TPD52: variants seen among roughly 807,000 people sequenced by gnomAD.
TPD52 encodes prostate and colon associated protein.
In TPD52, 17 loss-of-function variants were observed where a neutral mutation model predicts 31.3. The observed-to-expected ratio is 0.54, with a 90% confidence interval of 0.37 to 0.82. TPD52 has a LOEUF of 0.82. Ranked by LOEUF, TPD52 falls within the 40% of genes least tolerant of loss-of-function variation. The pLI is 0.00. For missense variants in TPD52, 212 were observed against 240.1 expected (o/e 0.88, Z 0.77); for synonymous variants, 83 against 89.6 (o/e 0.93, Z 0.42).
intron 2 of TPD52, among the ~76,000 whole-genome samples, chr8:80,056,306 G>A (rs987051140): frequency 2.0e-5 from 3 of 152,132 alleles, no homozygotes; most frequent in African/African-American, 4.8e-5. Context: ...ACATGTGGAC[G>A]CCAAGAAAAA....
At chr8:80,072,798 C>CACACATATATATATATATATATAT (rs977939775) in intron 1 of TPD52, among the ~76,000 whole-genome samples, 2 of 141,050 alleles carry the variant, frequency 1.4e-5, no homozygotes, top group African/African-American at 6.0e-5. Flanking sequence ...CACACACACA[C>CACACATATATATATATATATATAT]ATATATATAT....
At chr8:80,136,384 C>A (rs1263710766) in intron 1 of TPD52, among the ~76,000 whole-genome samples, 21 of 150,744 alleles carry the variant, frequency 1.4e-4, no homozygotes, top group Admixed American at 5.9e-4. Flanking sequence ...ATTAGCCGGG[C>A]GTGGTGGTGG....
intron 1 of TPD52, among the ~76,000 whole-genome samples, chr8:80,170,767 G>A (rs947645140): frequency 3.3e-5 from 5 of 152,126 alleles, no homozygotes; most frequent in Non-Finnish European, 7.4e-5. Context: ...CACTTGAGCT[G>A]TTTTCAGAAG....
intron 5 of TPD52, among the ~76,000 whole-genome samples, chr8:80,048,205 GCT>G (rs1457954792): frequency 6.6e-6 from 1 of 151,834 alleles, no homozygotes; most frequent in African/African-American, 2.4e-5. Flanking sequence ...ATCAAGAGCA[GCT>G]CTCTCTCTCT....
At chr8:80,169,176 G>A (rs1479319562) in intron 1 of TPD52, among the ~76,000 whole-genome samples, 1 of 152,102 alleles carries the variant, frequency 6.6e-6, no homozygotes, top group Non-Finnish European at 1.5e-5. Context: ...GTAGAGACAG[G>A]GTTCCACCTT....
At chr8:80,136,456 A>G (rs1177674391) in intron 1 of TPD52, among the ~76,000 whole-genome samples, 1 of 147,750 alleles carries the variant, frequency 6.8e-6, no homozygotes, top group Non-Finnish European at 1.5e-5. Context: ...CCCGGGAAGC[A>G]GAGCTTGCAG....
At chr8:80,167,381 T>A (rs940842845) in intron 1 of TPD52, among the ~76,000 whole-genome samples, 4 of 152,222 alleles carry the variant, frequency 2.6e-5, no homozygotes, top group African/African-American at 9.6e-5. Flanking sequence ...GCGTATTTGT[T>A]TTTATTACAT....
chr8:80,115,972 A>G (rs564379225), intron 1 of TPD52, among the ~76,000 whole-genome samples: 3 of 152,248 alleles, frequency 2.0e-5, no homozygotes, highest in Non-Finnish European at 4.4e-5. Context: ...AAATAACCCA[A>G]TAAAAGACAA....
intron 1 of TPD52, among the ~76,000 whole-genome samples, chr8:80,108,181 A>T (rs1218390479): frequency 6.6e-6 from 1 of 152,214 alleles, no homozygotes; most frequent in Non-Finnish European, 1.5e-5. Context: ...AAAGCAATCA[A>T]TATTCCAAAG....
intron 1 of TPD52, among the ~76,000 whole-genome samples, chr8:80,110,653 G>A (rs886783214): frequency 2.6e-5 from 4 of 151,288 alleles, no homozygotes; most frequent in African/African-American, 9.7e-5. Flanking sequence ...TTAGACTAGG[G>A]TAGGGTAGCT....
intron 1 of TPD52, among the ~76,000 whole-genome samples, chr8:80,170,549 T>A (rs1432372654): frequency 6.6e-6 from 1 of 152,212 alleles, no homozygotes; most frequent in Non-Finnish European, 1.5e-5. Context: ...TGAAAACTTG[T>A]GTCAGGGCTC....
At chr8:80,101,448 CAAAAAAAAAA>C (rs113660828) in intron 1 of TPD52, among the ~76,000 whole-genome samples, 9 of 114,730 alleles carry the variant, frequency 7.8e-5, no homozygotes, top group South Asian at 6.6e-4. Context: ...ACTCCCAGCT[CAAAAAAAAAA>C]AAAAAAAAAA....
chr8:80,138,133 G>C (rs1449723470), intron 1 of TPD52, among the ~76,000 whole-genome samples: 2 of 151,964 alleles, frequency 1.3e-5, no homozygotes, highest in East Asian at 3.9e-4. Flanking sequence ...TGTAGAGATG[G>C]GGTTTCTCCA....
At chr8:80,115,279 C>T in intron 1 of TPD52, among the ~76,000 whole-genome samples, 1 of 152,114 alleles carries the variant, frequency 6.6e-6, no homozygotes, top group Admixed American at 6.5e-5. Flanking sequence ...CAGTGGTCTA[C>T]AATGAATAAA....
intron 1 of TPD52, among the ~76,000 whole-genome samples, chr8:80,141,157 T>C (rs948550285): frequency 1.3e-5 from 2 of 152,136 alleles, no homozygotes; most frequent in Non-Finnish European, 2.9e-5. Flanking sequence ...ATCACATTCA[T>C]ACTCCATGCA....
intron 1 of TPD52, among the ~76,000 whole-genome samples, chr8:80,114,104 G>T (rs1048560480): frequency 6.6e-5 from 10 of 152,116 alleles, no homozygotes; most frequent in Admixed American, 1.3e-4. Context: ...AATTAGCTGG[G>T]TGTGGCAGTA....
chr8:80,153,169 T>C (rs576787721), intron 1 of TPD52, among the ~76,000 whole-genome samples: 61 of 152,306 alleles, frequency 4.0e-4, no homozygotes, highest in Admixed American at 8.5e-4. Context: ...GTATAACTTA[T>C]GCAAAAAATG....
At chr8:80,074,213 T>C (rs1227202001) in intron 1 of TPD52, among the ~76,000 whole-genome samples, 2 of 152,240 alleles carry the variant, frequency 1.3e-5, no homozygotes, top group African/African-American at 2.4e-5. Flanking sequence ...GACTGTTTTA[T>C]TTAAGCACAA....
chr8:80,041,368 T>C (rs920498753), intron 7 of TPD52, among the ~76,000 whole-genome samples: 2 of 152,260 alleles, frequency 1.3e-5, no homozygotes, highest in Non-Finnish European at 2.9e-5. Flanking sequence ...CTTTTAAAGA[T>C]GCATTTCGTG....
Sources: gnomAD v4.1 joint callset for allele counts (sites outside exome capture counted in the v4.1 genomes callset) on GRCh38, gnomAD v4.1.1 for gene constraint, MANE v1.5 for transcripts, NCBI Gene and HGNC (gene_info 2026-07-23, HGNC 2026-07-21) for gene names.